The following MAMLD1 variants were observed in gnomAD, a reference collection of about 807,000 sequenced individuals.
MAMLD1 encodes the protein mastermind-like domain-containing protein 1.
In MAMLD1, 14 loss-of-function variants were observed where a neutral mutation model predicts 45.0. The ratio of observed to expected loss-of-function variants is 0.31; its 90% CI spans 0.21 to 0.49. The LOEUF (loss-of-function observed/expected upper bound fraction) is 0.49. MAMLD1 is among the 20% of genes least tolerant of loss of function. The pLI is 0.99. For synonymous variants in MAMLD1, 254 were observed against 247.8 expected (o/e 1.02, Z -0.24); for missense variants, 543 against 603.6 (o/e 0.90, Z 1.05).
At chrX:150,441,564 T>A (rs1230685136) in intron 1 of MAMLD1, among the ~76,000 whole-genome samples, 1 of 111,139 alleles carries the variant, frequency 9.0e-6, no homozygotes, top group Non-Finnish European at 1.9e-5. Flanking sequence ...TGTTTCAAAG[T>A]ATGCTTTTTA....
At chrX:150,403,373 A>G (rs2033869452) in intron 1 of MAMLD1, among the ~76,000 whole-genome samples, 1 of 111,870 alleles carries the variant, frequency 8.9e-6, no homozygotes, top group African/African-American at 3.3e-5. Flanking sequence ...ATGTTTTGGA[A>G]CTAGCTAGAA....
intron 1 of MAMLD1, among the ~76,000 whole-genome samples, chrX:150,396,713 G>A (rs782096172): frequency 2.7e-5 from 3 of 112,006 alleles, no homozygotes; most frequent in African/African-American, 9.7e-5. Context: ...GCTCAGCTAC[G>A]TCCTACCTGT....
chrX:150,472,201 C>T (rs1179680381), intron 4 of MAMLD1, among the ~76,000 whole-genome samples: 14 of 112,038 alleles, frequency 1.2e-4, no homozygotes, highest in Admixed American at 1.1e-3. Flanking sequence ...CTCCTCCAGG[C>T]TTTTCAATCA....
At chrX:150,374,941 G>C (rs1403487767) in intron 1 of MAMLD1, among the ~76,000 whole-genome samples, 2 of 111,359 alleles carry the variant, frequency 1.8e-5, no homozygotes, top group East Asian at 5.7e-4. Flanking sequence ...AAACTGGGAA[G>C]TAGTCTCACC....
chrX:150,422,079 A>G (rs1439617741), intron 1 of MAMLD1, among the ~76,000 whole-genome samples: 2 of 112,009 alleles, frequency 1.8e-5, no homozygotes, highest in East Asian at 2.8e-4. Flanking sequence ...AGAAAGTGCA[A>G]CTCAGAGAGG....
chrX:150,363,015 G>T (rs1462776445), upstream of MAMLD1: 1 of 113,161 alleles, frequency 8.8e-6, no homozygotes, highest in Non-Finnish European at 1.9e-5. Context: ...AGACTGGTGG[G>T]AGGGCCCGGG....
At chrX:150,477,506 G>GTTAA (rs1314907306) in intron 5 of MAMLD1, among the ~76,000 whole-genome samples, 3 of 111,675 alleles carry the variant, frequency 2.7e-5, no homozygotes, top group African/African-American at 9.8e-5. Context: ...TCCCTTAGGG[G>GTTAA]CGTTAAGGAA....
intron 5 of MAMLD1, among the ~76,000 whole-genome samples, chrX:150,494,473 A>G (rs945101603): frequency 2.7e-5 from 3 of 112,519 alleles, no homozygotes; most frequent in Non-Finnish European, 5.6e-5. Flanking sequence ...AATATTGACA[A>G]CCCCCAAGTA....
At chrX:150,476,360 C>T (rs2036581500) in intron 5 of MAMLD1, among the ~76,000 whole-genome samples, 1 of 112,505 alleles carries the variant, frequency 8.9e-6, no homozygotes, top group African/African-American at 3.2e-5. Context: ...TTGCAAAAAT[C>T]GCGGTTAGGA....
chrX:150,430,676 A>C (rs1397751718), intron 1 of MAMLD1, among the ~76,000 whole-genome samples: 2 of 112,052 alleles, frequency 1.8e-5, no homozygotes, highest in Non-Finnish European at 3.8e-5. Flanking sequence ...ATTGAAGTTC[A>C]TGTTTTGCCT....
chrX:150,505,727 A>G (rs2037707925), intron 6 of MAMLD1, among the ~76,000 whole-genome samples: 1 of 112,723 alleles, frequency 8.9e-6, no homozygotes, highest in African/African-American at 3.2e-5. Flanking sequence ...GGCATTCTGG[A>G]GAAGCTGAGT....
chrX:150,494,297 G>A (rs782590527), intron 5 of MAMLD1, among the ~76,000 whole-genome samples: 7 of 112,091 alleles, frequency 6.2e-5, no homozygotes, highest in Non-Finnish European at 1.1e-4. Flanking sequence ...GGGAGGCTGA[G>A]GCAGGAGAAC....
chrX:150,506,968 G>A (rs186293830), intron 6 of MAMLD1, among the ~76,000 whole-genome samples: 164 of 112,520 alleles, frequency 1.5e-3, no homozygotes, highest in African/African-American at 5.0e-3. Context: ...CTGTGAATGT[G>A]GTCCCTTGTC....
chrX:150,366,044 C>A (rs1557400716), intron 1 of MAMLD1, among the ~76,000 whole-genome samples: 1 of 111,983 alleles, frequency 8.9e-6, no homozygotes, highest in East Asian at 2.8e-4. Flanking sequence ...CGGTGTCTCT[C>A]ATAGAGTTTG....
chrX:150,367,997 G>T (rs2031637857), intron 1 of MAMLD1, among the ~76,000 whole-genome samples: 1 of 110,661 alleles, frequency 9.0e-6, no homozygotes, highest in Non-Finnish European at 1.9e-5. Context: ...CTTTGCTATT[G>T]TGAATAGTGC....
intron 1 of MAMLD1, among the ~76,000 whole-genome samples, chrX:150,398,799 G>T (rs2033632166): frequency 9.0e-6 from 1 of 111,354 alleles, no homozygotes; most frequent in East Asian, 2.8e-4. Context: ...TTTATAGAAG[G>T]TTAGTTCCTG....
intron 2 of MAMLD1, among the ~76,000 whole-genome samples, chrX:150,459,185 T>C (rs1363332201): frequency 9.0e-6 from 1 of 111,379 alleles, no homozygotes; most frequent in African/African-American, 3.3e-5. Flanking sequence ...GGGTGTCTCC[T>C]GACTGCGCCT....
chrX:150,481,954 A>G (rs2036784196), intron 5 of MAMLD1, among the ~76,000 whole-genome samples: 1 of 98,097 alleles, frequency 1.0e-5, no homozygotes, highest in African/African-American at 3.8e-5. Context: ...AAAAAGAAAG[A>G]AAGAAAGAAA....
intron 6 of MAMLD1, among the ~76,000 whole-genome samples, chrX:150,507,745 C>CT (rs1334783155): frequency 8.9e-6 from 1 of 112,591 alleles, no homozygotes; most frequent in Non-Finnish European, 1.9e-5. Context: ...GAAGCCTGCC[C>CT]TGCCCCGGCG....
Sources: gnomAD v4.1 joint callset for allele counts (sites outside exome capture counted in the v4.1 genomes callset) on GRCh38, gnomAD v4.1.1 for gene constraint, MANE v1.5 for transcripts, NCBI Gene and HGNC (gene_info 2026-07-23, HGNC 2026-07-21) for gene names.